The following DGKD variants were observed in gnomAD, a reference collection of about 807,000 sequenced individuals.
DGKD encodes the protein DAG kinase delta.
DGKD carries 68 observed loss-of-function variants against 154.4 expected under a neutral mutation model. The observed-to-expected ratio is 0.44, with a 90% CI of 0.36 to 0.54. The LOEUF (loss-of-function observed/expected upper bound fraction) is 0.54. DGKD is among the 20% of genes least tolerant of loss of function. DGKD has a pLI of 0.00. For missense variants in DGKD, 1,343 were observed against 1,593.6 expected, an observed-to-expected ratio of 0.84 and a Z score of 2.68; for synonymous variants, 693 against 638.0, an observed-to-expected ratio of 1.09 and a Z score of -1.30.
chr2:233,392,493 T>A (rs1703688158), intron 3 of DGKD: 1 of 152,256 alleles, frequency 6.6e-6, no homozygotes. Context: ...ATTGCAGTTT[T>A]AAACAATTGT....
chr2:233,458,475 C>T lies in DGKD; in HGVS notation c.2694+78C>T. ...TAAATTCTGGGGCAGTGCATGGAGC[C>T]TGGGAGGGTGGGCGCTTTCCAGGGC... On this transcript the variant is annotated intron_variant, in intron 22 of 29. Coordinates refer to ENST00000264057, the MANE Select transcript of DGKD (RefSeq NM_152879.3). The surrounding 1 kb of genome is among the most constrained non-coding windows in gnomAD (Gnocchi z 6.6). 3.4e-6 allele frequency: 4 copies of T among 1,169,530 alleles called. No homozygotes were observed. Among genetic ancestry groups the T allele is most frequent in the Non-Finnish European group, 4.9e-6 (4 of 812,942 alleles). The allele number at this position is 1,169,530 out of a possible 1,614,324, so 72.4% of individuals were successfully genotyped here.
intron 4 of DGKD, 107 bp downstream of exon 4, chr2:233,434,591 G>A (rs1246421317): frequency 1.4e-5 from 20 of 1,428,906 alleles, no homozygotes; most frequent in Admixed American, 7.7e-5. Context: ...TGGAGCTCAC[G>A]TTCTTAGCAT....
chr2:233,427,488 A>C (rs2062350466), intron 3 of DGKD, among the ~76,000 whole-genome samples: 1 of 151,964 alleles, frequency 6.6e-6, no homozygotes, highest in Non-Finnish European at 1.5e-5. Flanking sequence ...TTACAGGTAC[A>C]TGCCACCACG....
chr2:233,361,972 A>AT (rs1428453988), intron 1 of DGKD, among the ~76,000 whole-genome samples: 1 of 152,036 alleles, frequency 6.6e-6, no homozygotes, highest in African/African-American at 2.4e-5. Context: ...ATTTTTTGGT[A>AT]TTTTTAATAG....
At chr2:233,462,538 C>T in intron 25 of DGKD, 79 bp downstream of exon 25, 5 of 1,524,740 alleles carry the variant, frequency 3.3e-6, no homozygotes, top group Admixed American at 1.7e-5. Context: ...TGTTCATTCC[C>T]CCGCCTCCCC....
chr2:233,426,249 T>C (rs2062294481), intron 3 of DGKD, among the ~76,000 whole-genome samples: 1 of 152,260 alleles, frequency 6.6e-6, no homozygotes, highest in Non-Finnish European at 1.5e-5. Context: ...TGTACAGTTA[T>C]TTTCTAACCA....
At chr2:233,356,939 T>C (rs780730079) in intron 1 of DGKD, among the ~76,000 whole-genome samples, 19 of 152,024 alleles carry the variant, frequency 1.2e-4, no homozygotes, top group Non-Finnish European at 2.6e-4. Context: ...AAAACAGAAC[T>C]CACCTTAAGT....
At chr2:233,436,501 C>G (rs1284723606) in intron 7 of DGKD, 60 bp downstream of exon 7, 5 of 1,565,342 alleles carry the variant, frequency 3.2e-6, no homozygotes, top group Admixed American at 1.8e-5. Context: ...CGTGCCCATG[C>G]GGGCCTTGCG....
At chr2:233,447,287 G>A (rs987613578) in intron 12 of DGKD, among the ~76,000 whole-genome samples, 2 of 152,214 alleles carry the variant, frequency 1.3e-5, no homozygotes, top group African/African-American at 4.8e-5. Context: ...TTTTCATTTG[G>A]TGATTGTTAC....
rs146498314 is a variant in DGKD at position 233,469,626 on chromosome 2, C to T, written c.*166C>T. 5,646 of 617,432 alleles carry T rather than the reference C, an allele frequency of 9.1e-3. 64 individuals carry two copies. Among genetic ancestry groups the T allele is most frequent in the South Asian group, 0.027 (1,397 of 51,366 alleles). 38.2% of individuals were successfully genotyped at this position (617,432 alleles called of 1,614,324 possible). On this transcript the variant is annotated 3_prime_UTR_variant, in exon 30 of 30. Coordinates refer to ENST00000264057, the MANE Select transcript of DGKD (RefSeq NM_152879.3). ...TCCTCTGTCAGCTACAGAAAGCCTC[C>T]GTGACACCGTCCACCAGAGCTCTGG...
At chr2:233,460,069 TAAAAA>T in intron 23 of DGKD, 120 bp from the exon 24 acceptor site, 2 of 1,372,322 alleles carry the variant, frequency 1.5e-6, no homozygotes, top group Non-Finnish European at 1.9e-6. Context: ...CCCCTAATGT[TAAAAA>T]AAAAAAAAAG....
rs780522541 is a variant in DGKD at position 233,452,565 on chromosome 2, A to T, written c.2264+505A>T. ...TCTGTGTGTCTCCCTTGTGTCTCCG[A>T]GCACCTTAGGGAGACACTAGCCTGT... On this transcript the variant is annotated intron_variant, in intron 18 of 29. Coordinates refer to ENST00000264057, the MANE Select transcript of DGKD (RefSeq NM_152879.3). The surrounding 1 kb of genome is among the most constrained non-coding windows in gnomAD (Gnocchi z 4.0). Among the ~76,000 whole-genome samples, 2 of 152,012 alleles carry T rather than the reference A, an allele frequency of 1.3e-5. No homozygotes were observed. Among genetic ancestry groups the T allele is most frequent in the Admixed American group, 6.6e-5 (1 of 15,258 alleles).
intron 1 of DGKD, among the ~76,000 whole-genome samples, chr2:233,387,001 G>C (rs1703222059): frequency 6.6e-6 from 1 of 152,224 alleles, no homozygotes; most frequent in Admixed American, 6.5e-5. Flanking sequence ...TCCACATGTT[G>C]ATGGCGTGTC....
intron 3 of DGKD, 102 bp from the exon 4 acceptor site, chr2:233,434,278 A>G: frequency 1.2e-6 from 1 of 828,814 alleles, no homozygotes; most frequent in Non-Finnish European, 2.0e-6. Flanking sequence ...TGAATGAAAT[A>G]GTAATTTTTA....
At position 233,394,690 on chromosome 2, in the gene DGKD, C is replaced by CTTTTTTTTTTTTTTTTTTTTTTTTT. The variant is rs1703879704; in HGVS notation, c.348+4207_348+4208insTTTTTTTTTTTTTTTTTTTTTTTTT. ...TTCCTTATTATTTTGAATTTAATTCCCTTTTTTTTTTTTTTTTTTTTTTTT... is the reference window on the plus strand; with the variant it reads ...TTCCTTATTATTTTGAATTTAATTCCTTTTTTTTTTTTTTTTTTTTTTTTTCTTTTTTTTTTTTTTTTTTTTTTTT... On this transcript the variant is annotated intron_variant, in intron 3 of 29. Coordinates refer to ENST00000264057, the MANE Select transcript of DGKD (RefSeq NM_152879.3). 3.5e-4 allele frequency among the ~76,000 whole-genome samples: 29 copies of CTTTTTTTTTTTTTTTTTTTTTTTTT among 83,242 alleles called. 4 individuals carry two copies. The highest frequency in any genetic ancestry group is 4.2e-4 in the Non-Finnish European group (18 of 42,708). The allele number at this position is 83,242 out of a possible 152,430, so 54.6% of individuals were successfully genotyped here.
Position 233,434,772 on chromosome 2 carries a change from A to C in DGKD, c.457A>C (p.Thr153Pro), listed in dbSNP as rs202176763. Residue 153 changes from threonine (T) to proline (P), a missense_variant, in exon 5 of 30, where the codon ACC becomes CCC. Thr to Pro is a conservative substitution (Grantham distance 38). Transcript: ENST00000264057. ...CCTCTTGGTTTCGTTCTTCCAGCCC[A>C]CCCAGTACAGCATGGACCACTTCTC... Reference protein sequence around the residue: ...TVQNREHFEPTQYSMDHFSGM... With the variant: ...TVQNREHFEPPQYSMDHFSGM... The C allele has an allele frequency of 6.2e-7, 1 of 1,612,156 alleles. No homozygotes were observed. Among genetic ancestry groups the C allele is most frequent in the Non-Finnish European group, 8.5e-7 (1 of 1,179,112 alleles).
rs1575120682 is a variant in DGKD at position 233,438,682 on chromosome 2, G to C, written c.1085+303G>C. Among the ~76,000 whole-genome samples the C allele has an allele frequency of 6.6e-6, 1 of 152,138 alleles. No individual in the cohort carries two copies. The highest frequency in any genetic ancestry group is 1.9e-4 in the East Asian group (1 of 5,194). On this transcript the variant is annotated intron_variant, in intron 9 of 29. Transcript: ENST00000264057. The surrounding 1 kb of genome is among the most constrained non-coding windows in gnomAD (Gnocchi z 4.1). ...ACCTGCCGTTGCACAAATGCCTTCT[G>C]TATGTGTCTGCATACAACGTTGTGG...
intron 3 of DGKD, among the ~76,000 whole-genome samples, chr2:233,405,026 G>A (rs530184415): frequency 2.0e-5 from 3 of 152,088 alleles, no homozygotes; most frequent in Non-Finnish European, 2.9e-5. Context: ...AGGACAGGCC[G>A]GCCCTTGGTT....
intron 1 of DGKD, among the ~76,000 whole-genome samples, chr2:233,366,037 G>T (rs557034198): frequency 9.2e-5 from 14 of 152,258 alleles, no homozygotes; most frequent in African/African-American, 3.1e-4. Context: ...GATCAAAGAG[G>T]TATGCAAAGG....
Sources: gnomAD v4.1 joint callset for allele counts (sites outside exome capture counted in the v4.1 genomes callset) on GRCh38, gnomAD v4.1.1 for gene constraint, Gnocchi (gnomAD v3.1) non-coding constraint, MANE v1.5 for transcripts, NCBI Gene and HGNC (gene_info 2026-07-23, HGNC 2026-07-21) for gene names.